The following PRKCSH variants were observed in gnomAD, a reference collection of about 807,000 sequenced individuals.
PRKCSH encodes PRKCSH beta subunit of glucosidase II, also known as glucosidase 2 subunit beta.
Under a neutral mutation model 79.7 loss-of-function variants are expected in PRKCSH, and 42 were observed. The ratio of observed to expected loss-of-function variants is 0.53; its 90% CI spans 0.41 to 0.68. The LOEUF (loss-of-function observed/expected upper bound fraction) is 0.68, where lower values mean the gene tolerates loss of function less well. Among genes scored for constraint, PRKCSH ranks in the 30% least tolerant of loss-of-function variants. PRKCSH has a pLI of 0.00. For missense variants in PRKCSH, 686 were observed against 709.0 expected (o/e 0.97, Z 0.37); for synonymous variants, 325 against 288.2 (o/e 1.13, Z -1.29).
At chr19:11,436,802 G>A in intron 3 of PRKCSH, 1 of 413,426 alleles carries the variant, frequency 2.4e-6, no homozygotes, top group Non-Finnish European at 4.6e-6. Context: ...GGGAGACAGG[G>A]TGGGGCCAAG....
intron 6 of PRKCSH, among the ~76,000 whole-genome samples, chr19:11,442,090 C>T (rs989821418): frequency 2.6e-5 from 4 of 152,138 alleles, no homozygotes; most frequent in African/African-American, 9.7e-5. Context: ...GGCAGAAGAG[C>T]GTTTAGGGGT....
Position 11,438,092 on chromosome 19 carries a change from C to T in PRKCSH, c.318C>T (p.Tyr106=). 6.2e-7 allele frequency: 1 copy of T among 1,614,150 alleles called. No homozygotes were observed. Among genetic ancestry groups the T allele is most frequent in the South Asian group, 1.1e-5 (1 of 91,070 alleles). Residue 106 remains tyrosine, a synonymous_variant, in exon 5 of 18, where the codon TAC becomes TAT. Coordinates refer to ENST00000677123, the MANE Select transcript of PRKCSH (RefSeq NM_001289104.2). ...VCDCCDGTDE[Y]NSGVICENTC... ...ACTGCTGCGATGGAACAGACGAGTA[C>T]AACAGCGGCGTCATCTGTGAGAACA... is the stretch of plus-strand genomic sequence containing the variant.
intron 7 of PRKCSH, among the ~76,000 whole-genome samples, chr19:11,444,524 C>T (rs1405878568): frequency 6.6e-6 from 1 of 152,110 alleles, no homozygotes; most frequent in East Asian, 1.9e-4. Context: ...CCTGGGGTGA[C>T]CTAAGACTCT....
rs1294091945 is a variant in PRKCSH at position 11,447,479 on chromosome 19, T to C, written c.890T>C (p.Leu297Ser). The stretch of plus-strand genomic sequence containing the variant: ...CTTCCAGCACCTTCTGCCCCTGACT[T>C]GACGGAGCCCAAGGAGGAGCAGCCG... ...TDLPAPSAPD[L>S]TEPKEEQPPV... Residue 297 changes from leucine (L) to serine (S), a missense_variant, in exon 11 of 18, where the codon TTG (leucine) becomes TCG (serine). Physicochemically the swap from Leu to Ser is moderately radical, Grantham distance 145 (BLOSUM62 -2). This residue lies in a region of PRKCSH where 549 missense variants were observed against 520.2 expected (regional missense o/e 1.06). Coordinates refer to ENST00000677123, the MANE Select transcript of PRKCSH (RefSeq NM_001289104.2). The surrounding 1 kb of genome is among the most constrained non-coding windows in gnomAD (Gnocchi z 5.6). 6.2e-7 allele frequency: 1 copy of C among 1,613,756 alleles called. No individual in the cohort carries two copies. The highest frequency in any genetic ancestry group is 8.5e-7 in the Non-Finnish European group (1 of 1,179,970).
chr19:11,448,512 C>G lies in PRKCSH; in HGVS notation c.1197-28C>G. 1 of 1,603,302 alleles carries G rather than the reference C, an allele frequency of 6.2e-7. No individual in the cohort carries two copies. The highest frequency in any genetic ancestry group is 8.5e-7 in the Non-Finnish European group (1 of 1,170,084). ...GTCAGGCACTGGCGTCCCCAGCTGCCCCTTAACCGCTCCGCCTCCCCTTCC... is the reference window on the plus strand; with the variant it reads ...GTCAGGCACTGGCGTCCCCAGCTGCGCCTTAACCGCTCCGCCTCCCCTTCC... On this transcript the variant is annotated intron_variant, in intron 13 of 17. Transcript: ENST00000677123. This position sits in a 1 kb window ranked among gnomAD's most constrained non-coding sequence, Gnocchi z 4.4.
Position 11,449,308 on chromosome 19 carries a change from A to G in PRKCSH, c.1504A>G (p.Thr502Ala). The G allele has an allele frequency of 1.2e-6, 2 of 1,613,650 alleles. No homozygotes were observed. The highest frequency in any genetic ancestry group is 8.5e-7 in the Non-Finnish European group (1 of 1,179,962). ...GAAAGAGACCATGGTGACCAGCACCACAGAGCCCAGTCGCTGCGAGTACCT... is the reference window on the plus strand; with the variant it reads ...GAAAGAGACCATGGTGACCAGCACCGCAGAGCCCAGTCGCTGCGAGTACCT... ...CGKETMVTST[T>A]EPSRCEYLME... The change falls in exon 17 of 18, where the codon ACA (threonine) becomes GCA (alanine). Residue 502 changes from threonine to alanine, a missense_variant. Physicochemically the swap from Thr to Ala is moderately conservative, Grantham distance 58. This residue lies in a region of PRKCSH where 137 missense variants were observed against 188.8 expected (regional missense o/e 0.73). Transcript: ENST00000677123. The surrounding 1 kb of genome is among the most constrained non-coding windows in gnomAD (Gnocchi z 6.4).
At chr19:11,446,717 C>T (rs1705223619) in intron 9 of PRKCSH, among the ~76,000 whole-genome samples, 1 of 152,028 alleles carries the variant, frequency 6.6e-6, no homozygotes, top group Non-Finnish European at 1.5e-5. Context: ...CTTCTCTGCC[C>T]ACCCCTGGGT....
chr19:11,450,484 A>AAAT lies in PRKCSH; in HGVS notation c.*17-150_*17-148dup, dbSNP rs1555729435. The AAAT allele has an allele frequency of 4.0e-5, 6 of 151,308 alleles. No homozygotes were observed. In the East Asian group the frequency reaches 7.8e-4, roughly 20 times the overall value. 9.4% of individuals were successfully genotyped at this position (151,308 alleles called of 1,614,324 possible). On this transcript the variant is annotated intron_variant, in intron 17 of 17. Coordinates refer to ENST00000677123, the MANE Select transcript of PRKCSH (RefSeq NM_001289104.2). ...ACAGAGTGAGACTCTCAAAAAAAAA[A>AAAT]AATAATAATAATAAGAGAAAATAGA...
chr19:11,444,031 C>T (rs917337980), intron 7 of PRKCSH, among the ~76,000 whole-genome samples: 1 of 152,176 alleles, frequency 6.6e-6, no homozygotes, highest in Non-Finnish European at 1.5e-5. Flanking sequence ...TTTGGCCTCC[C>T]AACGTGTTGG....
rs1969685006 is a variant in PRKCSH, at chr19:11,435,719, G to A, written c.-78+13G>A. 1.5e-6 allele frequency: 2 copies of A among 1,328,914 alleles called. No individual in the cohort carries two copies. The highest frequency in any genetic ancestry group is 2.0e-6 in the Non-Finnish European group (2 of 1,015,738). The allele number at this position is 1,328,914 out of a possible 1,614,324, so 82.3% of individuals were successfully genotyped here. A position where few individuals can be genotyped will look rare whatever the true frequency, so the allele number is the denominator to read the frequency against. On this transcript the variant is annotated intron_variant, in intron 1 of 17. Transcript: ENST00000677123. ...GCTCCGGCCTCGTGTAGGTGTGAACGAGCGGGTGGGAGGGCACCTCAGTTT... is the reference window on the plus strand; with the variant it reads ...GCTCCGGCCTCGTGTAGGTGTGAACAAGCGGGTGGGAGGGCACCTCAGTTT...
chr19:11,436,298 AGTGCTCCGCTGGTGGGGATGGG>A (rs2144798799), intron 2 of PRKCSH, 69 bp from the exon 3 acceptor site: 1 of 1,579,142 alleles, frequency 6.3e-7, no homozygotes, highest in East Asian at 2.2e-5. Context: ...GTTTCCCGGT[AGTGCTCCGCTGGTGGGGATGGG>A]AGGACAGAGG....
At chr19:11,436,826 G>A (rs1969774224) in intron 3 of PRKCSH, 1 of 385,778 alleles carries the variant, frequency 2.6e-6, no homozygotes, top group Admixed American at 3.7e-5. Flanking sequence ...AATCCAGCAG[G>A]AGACAGAGGT....
chr19:11,445,334 G>A (rs903243384), intron 7 of PRKCSH, 55 bp from the exon 8 acceptor site: 21 of 1,573,632 alleles, frequency 1.3e-5, no homozygotes, highest in Non-Finnish European at 1.8e-5. Flanking sequence ...TGGGGTGCGG[G>A]GGCTGATGGG....
At chr19:11,437,766 C>A in intron 3 of PRKCSH, 110 bp from the exon 4 acceptor site, 1 of 980,292 alleles carries the variant, frequency 1.0e-6, no homozygotes, top group Non-Finnish European at 1.6e-6. Flanking sequence ...GGTTTCCTTT[C>A]CTTTCTTGTG....
chr19:11,447,732 C>A lies in PRKCSH; in HGVS notation c.1069C>A (p.Pro357Thr). 1 of 1,595,824 alleles carries A rather than the reference C, an allele frequency of 6.3e-7. No individual in the cohort carries two copies. ...ACTGTCACCCCCGCAGCCGGCCAGC[C>A]CTGCTGAGGAAGACAAAATGCCGCC... ...PPLSPPQPAS[P>T]AEEDKMPPYD... is the part of the protein sequence containing the mutation. The change falls in exon 12 of 18, where the codon CCT (proline) becomes ACT (threonine). Residue 357 changes from proline to threonine, a missense_variant. Coordinates refer to ENST00000677123, the MANE Select transcript of PRKCSH (RefSeq NM_001289104.2). This position sits in a 1 kb window ranked among gnomAD's most constrained non-coding sequence, Gnocchi z 5.6.
intron 6 of PRKCSH, among the ~76,000 whole-genome samples, chr19:11,441,679 A>G (rs1446263536): frequency 6.6e-6 from 1 of 152,048 alleles, no homozygotes; most frequent in African/African-American, 2.4e-5. Flanking sequence ...TGCCTGTAAG[A>G]TGGGCTGATG....
chr19:11,446,246 A>G lies in PRKCSH; in HGVS notation c.684-26A>G, dbSNP rs757586103. ...AGAGCCACTGGGGCCTCACCCCTCCAGTCTGCTTCTGCCACGCCCCCGCAG... is the reference window on the plus strand; with the variant it reads ...AGAGCCACTGGGGCCTCACCCCTCCGGTCTGCTTCTGCCACGCCCCCGCAG... On this transcript the variant is annotated intron_variant, in intron 8 of 17. Transcript: ENST00000677123. 6.1e-5 allele frequency: 98 copies of G among 1,610,700 alleles called. 2 individuals carry two copies. The South Asian group carries it at 1.0e-3, about 17-fold the overall frequency.
At position 11,447,734 on chromosome 19, in the gene PRKCSH, T is replaced by C; in HGVS notation, c.1071T>C (p.Pro357=). The C allele has an allele frequency of 2.5e-6, 4 of 1,596,296 alleles. No homozygotes were observed. Among genetic ancestry groups the C allele is most frequent in the Non-Finnish European group, 3.4e-6 (4 of 1,171,862 alleles). The part of the protein sequence containing the change: ...PPLSPPQPAS[P]AEEDKMPPYD... ...TGTCACCCCCGCAGCCGGCCAGCCC[T>C]GCTGAGGAAGACAAAATGCCGCCCT... The change falls in exon 12 of 18, where the codon CCT becomes CCC. Residue 357 remains proline (P), a synonymous_variant. Transcript: ENST00000677123. This position sits in a 1 kb window ranked among gnomAD's most constrained non-coding sequence, Gnocchi z 5.6.
chr19:11,445,590 A>G (rs1380587618), intron 8 of PRKCSH, 117 bp downstream of exon 8: 1 of 1,013,350 alleles, frequency 9.9e-7, no homozygotes, highest in Non-Finnish European at 1.5e-6. Context: ...CGTGGGGTCC[A>G]GGCTGATCCC....
Sources: gnomAD v4.1 joint callset for allele counts (sites outside exome capture counted in the v4.1 genomes callset) on GRCh38, gnomAD v4.1.1 for gene constraint, gnomAD v4.1.1 regional missense constraint, Gnocchi (gnomAD v3.1) non-coding constraint, MANE v1.5 for transcripts, NCBI Gene and HGNC (gene_info 2026-07-23, HGNC 2026-07-21) for gene names.